Variants in ARX observed in about 807,000 individuals in gnomAD.
ARX encodes homeobox protein ARX.
In ARX, 1 loss-of-function variant was observed where a neutral mutation model predicts 23.1. That is an observed-to-expected ratio of 0.04 (90% CI 0.02 to 0.21). ARX has a LOEUF of 0.21. ARX is among the 10% of genes least tolerant of loss of function. The pLI, the probability that ARX is intolerant of heterozygous loss-of-function variation, is 1.00. For missense variants in ARX, 380 were observed against 527.5 expected, an observed-to-expected ratio of 0.72 and a Z score of 2.74; for synonymous variants, 301 against 270.1, an observed-to-expected ratio of 1.11 and a Z score of -1.12.
chrX:25,010,540 T>C (rs1242256875), intron 2 of ARX, among the ~76,000 whole-genome samples: 1 of 110,677 alleles, frequency 9.0e-6, no homozygotes, highest in Non-Finnish European at 1.9e-5. Flanking sequence ...TATTATATCA[T>C]ACTACATTCG....
rs2147320407 is a variant in ARX at position 25,007,226 on chromosome X, G to A, written c.1333C>T (p.Pro445Ser). 3.5e-6 allele frequency: 4 copies of A among 1,148,818 alleles called. No homozygotes were observed. Among genetic ancestry groups the A allele is most frequent in the Non-Finnish European group, 2.3e-6 (2 of 868,052 alleles). 94.7% of individuals were successfully genotyped at this position (1,148,818 alleles called of 1,213,427 possible). A position where few individuals can be genotyped will look rare whatever the true frequency, so the allele number is the denominator to read the frequency against. The change falls in exon 4 of 5, where the codon CCT becomes TCT. Residue 445 changes from proline to serine, a missense_variant. Around this residue, in one of 3 missense-constraint regions of ARX, gnomAD observed 121 missense variants for 169.7 expected, o/e 0.71. Transcript: ENST00000379044. ...AGGCTGGCCGAGCCCGGAGGCGGAG[G>A]TAGGCTCGGGAAGGCGGCGGCGGCG... ...AAAAAAFPSL[P>S]PPPGSASLPP... is the part of the protein sequence containing the mutation.
chrX:25,015,421 A>G (rs1348950399), intron 1 of ARX, 121 bp downstream of exon 1: 2 of 909,265 alleles, frequency 2.2e-6, no homozygotes, highest in African/African-American at 3.9e-5. Context: ...CAGGCCTCAG[A>G]GTTATGCCCT....
At chrX:25,007,049 C>A in intron 4 of ARX, 62 bp downstream of exon 4, 1 of 1,135,152 alleles carries the variant, frequency 8.8e-7, no homozygotes, top group Non-Finnish European at 1.2e-6. Context: ...CTCCTCCCTG[C>A]CCCCAGCCTC....
rs1426316431 is a variant in ARX, at chrX:25,004,522, C to T, written c.*148G>A. On this transcript the variant is annotated 3_prime_UTR_variant, in exon 5 of 5. Transcript: ENST00000379044. The stretch of plus-strand genomic sequence containing the variant: ...TCCCGGAGCGCCGAGGGCTGCCATG[C>T]CCGCATCCAGACTGCTGTGAAGGCG... The T allele has an allele frequency of 2.9e-6, 3 of 1,022,377 alleles. No individual in the cohort carries two copies. In the African/African-American group the frequency reaches 5.7e-5, roughly 19 times the overall value. The allele number at this position is 1,022,377 out of a possible 1,213,427, so 84.3% of individuals were successfully genotyped here. A position where few individuals can be genotyped will look rare whatever the true frequency, so the allele number is the denominator to read the frequency against.
At chrX:25,010,425 A>T in intron 2 of ARX, 120 bp from the exon 3 acceptor site, 2 of 804,359 alleles carry the variant, frequency 2.5e-6, no homozygotes, top group Non-Finnish European at 3.6e-6. Context: ...CCTGCCCCCC[A>T]CCCCCAAACA....
chrX:25,007,504 C>T, intron 3 of ARX, 65 bp from the exon 4 acceptor site: 2 of 1,105,703 alleles, frequency 1.8e-6, no homozygotes, highest in Admixed American at 2.9e-5. Flanking sequence ...GGCCCCTACC[C>T]GTCCCTTCCC....
rs2048723633 is a variant in ARX at position 25,015,576 on chromosome X, C to G, written c.162G>C (p.Leu54=). ...LGAAQSLPAP[L]TSRADPEKAV... ...CCTTTTCCGGGTCGGCGCGGCTGGT[C>G]AGCGGAGCAGGCAAGCTCTGCGCGG... Residue 54 remains leucine (L), a synonymous_variant, in exon 1 of 5, where the codon CTG becomes CTC. Coordinates refer to ENST00000379044, the MANE Select transcript of ARX (RefSeq NM_139058.3). The G allele has an allele frequency of 8.3e-7, 1 of 1,209,603 alleles. No homozygotes were observed. Among genetic ancestry groups the G allele is most frequent in the African/African-American group, 1.7e-5 (1 of 57,498 alleles).
chrX:25,013,221 C>G lies in ARX; in HGVS notation c.774G>C (p.Ala258=), dbSNP rs2048709739. The change falls in exon 2 of 5, where the codon GCG becomes GCC. Residue 258 remains alanine, a synonymous_variant. Transcript: ENST00000379044. ...GACAGCGCCGGGGCTCCTTGAGCAG[C>G]GCGCGGGCGTCGTCCTCCAGCAGCT... ...EEELLEDDAR[A]LLKEPRRCPV... 1.5e-5 allele frequency: 17 copies of G among 1,164,036 alleles called. No homozygotes were observed. Among genetic ancestry groups the G allele is most frequent in the Non-Finnish European group, 1.9e-5 (17 of 872,434 alleles).
Position 25,007,259 on chromosome X carries a change from C to T in ARX, c.1300G>A (p.Ala434Thr). 1 of 1,117,433 alleles carries T rather than the reference C, an allele frequency of 8.9e-7. No individual in the cohort carries two copies. The highest frequency in any genetic ancestry group is 1.2e-6 in the Non-Finnish European group (1 of 855,986). 92.1% of individuals were successfully genotyped at this position (1,117,433 alleles called of 1,213,427 possible). Residue 434 changes from alanine (A) to threonine (T), a missense_variant, in exon 4 of 5, where the codon GCC becomes ACC. Physicochemically the swap from Ala to Thr is moderately conservative, Grantham distance 58 (BLOSUM62 0). Around this residue, in one of 3 missense-constraint regions of ARX, gnomAD observed 121 missense variants for 169.7 expected, o/e 0.71. Coordinates refer to ENST00000379044, the MANE Select transcript of ARX (RefSeq NM_139058.3). ...GGGAAGGCGGCGGCGGCGGCGGCGGCAGCGGCAGTCCAAGCGGAGTCGAGC... is the reference window on the plus strand; with the variant it reads ...GGGAAGGCGGCGGCGGCGGCGGCGGTAGCGGCAGTCCAAGCGGAGTCGAGC... ...PALDSAWTAA[A>T]AAAAAAFPSL...
intron 4 of ARX, among the ~76,000 whole-genome samples, chrX:25,005,520 C>G (rs2048674235): frequency 8.9e-6 from 1 of 112,641 alleles, no homozygotes; most frequent in Non-Finnish European, 1.9e-5. Flanking sequence ...CCGCGCGGGA[C>G]TCAGCTACCC....
chrX:25,006,942 T>C (rs1038738344), intron 4 of ARX, among the ~76,000 whole-genome samples, 169 bp downstream of exon 4: 31 of 110,768 alleles, frequency 2.8e-4, no homozygotes, highest in African/African-American at 9.2e-4. Context: ...GACCCACATT[T>C]TTTTTTTTGA....
In ARX at chrX:25,005,055, A is replaced by G. The variant is rs1601945797; in HGVS notation, c.1449-145T>C. On this transcript the variant is annotated intron_variant, in intron 4 of 4. Transcript: ENST00000379044. ...TGGGCCGCGGCGGGGAAGTGGGCAG[A>G]GGGCGCGGGCGGAAGCTGGACCCCG... 5.8e-6 allele frequency: 5 copies of G among 862,778 alleles called. No homozygotes were observed. The East Asian group carries it at 2.1e-4, about 36-fold the overall frequency. The allele number at this position is 862,778 out of a possible 1,213,427, so 71.1% of individuals were successfully genotyped here.
Position 25,004,740 on chromosome X carries a change from T to C in ARX, c.1619A>G (p.Lys540Arg), listed in dbSNP as rs2048669294. 8.6e-7 allele frequency: 1 copy of C among 1,167,715 alleles called. No homozygotes were observed. The highest frequency in any genetic ancestry group is 1.1e-6 in the Non-Finnish European group (1 of 873,619). Residue 540 changes from lysine to arginine, a missense_variant, in exon 5 of 5, where the codon AAG (lysine) becomes AGG (arginine). Coordinates refer to ENST00000379044, the MANE Select transcript of ARX (RefSeq NM_139058.3). Reference sequence around the variant, plus strand: ...CTGCGTGAGCTGCGCCGCGTGCTCCTTGGCCTTGAGCCTCAGCGCGGCTAT... The same window carrying C: ...CTGCGTGAGCTGCGCCGCGTGCTCCCTGGCCTTGAGCCTCAGCGCGGCTAT... ...SSIAALRLKA[K>R]EHAAQLTQLN...
At chrX:25,005,739 G>A (rs1050900569) in intron 4 of ARX, among the ~76,000 whole-genome samples, 25 of 112,628 alleles carry the variant, frequency 2.2e-4, no homozygotes, top group Non-Finnish European at 4.1e-4. Context: ...TGGGACCCAC[G>A]CCAGCGCCAC....
chrX:25,004,958 G>A (rs2048671248), intron 4 of ARX, 48 bp from the exon 5 acceptor site: 2 of 1,066,057 alleles, frequency 1.9e-6, no homozygotes, highest in Admixed American at 4.3e-5. Flanking sequence ...AGCTGTGCGC[G>A]GCGCCTCGGG....
intron 1 of ARX, among the ~76,000 whole-genome samples, chrX:25,014,675 T>TA (rs1309475127): frequency 8.9e-6 from 1 of 112,966 alleles, no homozygotes; most frequent in East Asian, 2.8e-4. Flanking sequence ...CACTGCAGGC[T>TA]AAAAAAAGAA....
chrX:25,010,213 G>A, intron 3 of ARX, 47 bp downstream of exon 3: 1 of 980,656 alleles, frequency 1.0e-6, no homozygotes, highest in Non-Finnish European at 1.3e-6. Flanking sequence ...CTCTCCCACT[G>A]GCCCCCAGCC....
chrX:25,014,235 CCTT>C (rs2048716256), intron 1 of ARX, among the ~76,000 whole-genome samples: 1 of 110,958 alleles, frequency 9.0e-6, no homozygotes, highest in Admixed American at 9.5e-5. Flanking sequence ...TCCCCTCTCT[CCTT>C]CTTTCTTCTT....
Position 25,007,260 on chromosome X carries a change from A to G in ARX, c.1299T>C (p.Ala433=), listed in dbSNP as rs952488301. The change falls in exon 4 of 5, where the codon GCT becomes GCC. Residue 433 remains alanine (A), a synonymous_variant. Transcript: ENST00000379044. The part of the protein sequence containing the change: ...HPALDSAWTA[A]AAAAAAAFPS... ...GGAAGGCGGCGGCGGCGGCGGCGGCAGCGGCAGTCCAAGCGGAGTCGAGCG... is the reference window on the plus strand; with the variant it reads ...GGAAGGCGGCGGCGGCGGCGGCGGCGGCGGCAGTCCAAGCGGAGTCGAGCG... 17 of 1,115,657 alleles carry G rather than the reference A, an allele frequency of 1.5e-5. No homozygotes were observed. The highest frequency in any genetic ancestry group is 3.5e-5 in the East Asian group (1 of 28,733). The allele number at this position is 1,115,657 out of a possible 1,213,427, so 91.9% of individuals were successfully genotyped here.
Sources: gnomAD v4.1 joint callset for allele counts (sites outside exome capture counted in the v4.1 genomes callset) on GRCh38, gnomAD v4.1.1 for gene constraint, gnomAD v4.1.1 regional missense constraint, MANE v1.5 for transcripts, NCBI Gene and HGNC (gene_info 2026-07-23, HGNC 2026-07-21) for gene names.